SAMD12: variants seen among roughly 807,000 people sequenced by gnomAD.
SAMD12 encodes the protein sterile alpha motif domain containing 12.
A neutral mutation model predicts 15.0 loss-of-function variants in SAMD12; 9 were observed. The ratio of observed to expected loss-of-function variants is 0.60; its 90% CI spans 0.36 to 1.05. SAMD12 has a LOEUF of 1.05. Among genes scored for constraint, SAMD12 ranks in the 50% least tolerant of loss-of-function variants. SAMD12 has a pLI of 0.01. For missense variants in SAMD12, 230 were observed against 234.2 expected (o/e 0.98, Z 0.12); for synonymous variants, 86 against 90.1 (o/e 0.96, Z 0.25).
exon 5 of SAMD12, chr8:118,195,376 G>A (rs1819530419): frequency 6.6e-6 from 1 of 152,214 alleles, no homozygotes; most frequent in Admixed American, 6.5e-5. Flanking sequence ...TAGAATTGGA[G>A]TGTTAGATAA....
Position 118,294,666 on chromosome 8 carries a change from AT to A in SAMD12, c.433+84893del, listed in dbSNP as rs530533865. On this transcript the variant is annotated intron_variant, in intron 4 of 4. Coordinates refer to the SAMD12 transcript ENST00000409003. ...AGGATGAAAACATAAAAAGTAAAATATTTTTTAAAATTCTTGCAATATGCAG... is the reference window on the plus strand; with the variant it reads ...AGGATGAAAACATAAAAAGTAAAATATTTTTAAAATTCTTGCAATATGCAG... Among the ~76,000 whole-genome samples, 4 of 152,328 alleles carry A rather than the reference AT, an allele frequency of 2.6e-5. No homozygotes were observed. The South Asian group carries it at 8.3e-4, about 32-fold the overall frequency.
At position 118,379,436 on chromosome 8, in the gene SAMD12, T is replaced by G. The variant is rs145282991; in HGVS notation, c.587A>C (p.Glu196Ala). 8.1e-6 allele frequency: 13 copies of G among 1,613,448 alleles called. No homozygotes were observed. Among genetic ancestry groups the G allele is most frequent in the Non-Finnish European group, 1.0e-5 (12 of 1,179,734 alleles). The change falls in exon 4 of 4, where the codon GAA (glutamate) becomes GCA (alanine). Residue 196 changes from glutamate (E) to alanine (A), a missense_variant. Transcript: ENST00000314727. ...LLFLHRISIIENSIQI is the reference protein window; with the variant it reads ...LLFLHRISIIANSIQI ...GTAATCTTAAATCTGTATACTATTT[T>G]CTATGATGGAAATTCTGTGAAGAAA...
chr8:118,275,528 A>G (rs182100690), intron 4 of SAMD12, among the ~76,000 whole-genome samples: 9 of 152,352 alleles, frequency 5.9e-5, no homozygotes, highest in East Asian at 5.8e-4. Context: ...ACTCACTCAC[A>G]TGCAAAAATC....
intron 2 of SAMD12, among the ~76,000 whole-genome samples, chr8:118,570,994 C>T (rs1408386714): frequency 6.6e-6 from 1 of 152,208 alleles, no homozygotes; most frequent in Non-Finnish European, 1.5e-5. Context: ...GAGGCTTCCA[C>T]TTCCAGCCAC....
At chr8:118,528,677 T>A (rs1376728541) in intron 2 of SAMD12, among the ~76,000 whole-genome samples, 4 of 152,066 alleles carry the variant, frequency 2.6e-5, no homozygotes, top group African/African-American at 4.8e-5. Flanking sequence ...AGGACAGGAG[T>A]CTGTCTTCTC....
downstream of SAMD12, among the ~76,000 whole-genome samples, chr8:118,185,281 G>A (rs1029166292): frequency 1.3e-5 from 2 of 151,526 alleles, no homozygotes; most frequent in South Asian, 2.1e-4. Context: ...GGTGGTTTTC[G>A]ATTACATGAA....
At position 118,419,246 on chromosome 8, in the gene SAMD12, T is replaced by C. The variant is rs1359452345; in HGVS notation, c.322+20586A>G. Among the ~76,000 whole-genome samples the C allele has an allele frequency of 2.0e-5, 3 of 151,318 alleles. No homozygotes were observed. The East Asian group carries it at 5.8e-4, about 29-fold the overall frequency. ...GTGTCAGAGGAGCTGAGTACTGCCA[T>C]CTGCTGGCTATGGGGTCTGGGTCAA... On this transcript the variant is annotated intron_variant, in intron 3 of 3. Coordinates refer to ENST00000314727, the MANE Select transcript of SAMD12 (RefSeq NM_207506.3).
rs556665686 is a variant in SAMD12, at chr8:118,405,945, T to C, written c.323-26245A>G. The stretch of plus-strand genomic sequence containing the variant: ...TGCAAACAGATAACAAGAAAAATAT[T>C]GTTTACTTTTTTTTGGTTTTCTCTC... On this transcript the variant is annotated intron_variant, in intron 3 of 3. Coordinates refer to ENST00000314727, the MANE Select transcript of SAMD12 (RefSeq NM_207506.3). Among the ~76,000 whole-genome samples the C allele has an allele frequency of 7.9e-5, 12 of 152,262 alleles. No homozygotes were observed. The South Asian group carries it at 2.5e-3, about 32-fold the overall frequency.
chr8:118,503,039 G>A (rs1824829301), intron 2 of SAMD12, among the ~76,000 whole-genome samples: 1 of 152,220 alleles, frequency 6.6e-6, no homozygotes, highest in Non-Finnish European at 1.5e-5. Context: ...GTGTGAGGCA[G>A]AGATATTAGA....
chr8:118,394,362 T>C (rs1275505814), intron 3 of SAMD12, among the ~76,000 whole-genome samples: 1 of 152,228 alleles, frequency 6.6e-6, no homozygotes. Context: ...TCACTCACCT[T>C]GGAACCTACA....
At position 118,550,562 on chromosome 8, in the gene SAMD12, C is replaced by T. The variant is rs536681391; in HGVS notation, c.192+30153G>A. 3.7e-3 allele frequency among the ~76,000 whole-genome samples: 568 copies of T among 152,204 alleles called. 2 individuals are homozygous for T. Among genetic ancestry groups the T allele is most frequent in the African/African-American group, 8.2e-3 (339 of 41,514 alleles). ...ATGGAAAGGAACAACCGGTACCAGCCGCTGCAAAATCATGCCAAAATGTAA... is the reference window on the plus strand; with the variant it reads ...ATGGAAAGGAACAACCGGTACCAGCTGCTGCAAAATCATGCCAAAATGTAA... On this transcript the variant is annotated intron_variant, in intron 2 of 3. Transcript: ENST00000314727.
intron 3 of SAMD12, among the ~76,000 whole-genome samples, chr8:118,434,007 T>A (rs1822499629): frequency 6.6e-6 from 1 of 152,134 alleles, no homozygotes. Context: ...AATAAAAGAA[T>A]TGGAAGACAA....
At chr8:118,146,837 A>G in the SAMD12 span, among the ~76,000 whole-genome samples, 1 of 152,228 alleles carries the variant, frequency 6.6e-6, no homozygotes, top group South Asian at 2.1e-4. Flanking sequence ...AAGGATTTTT[A>G]AAATGAGCCC....
intron 2 of SAMD12, among the ~76,000 whole-genome samples, chr8:118,553,165 G>T (rs1826402171): frequency 6.6e-6 from 1 of 151,906 alleles, no homozygotes; most frequent in Non-Finnish European, 1.5e-5. Context: ...TTTCTTCACA[G>T]AATTGGAAAA....
chr8:118,467,293 G>A (rs1185947299), intron 2 of SAMD12, among the ~76,000 whole-genome samples: 3 of 152,120 alleles, frequency 2.0e-5, no homozygotes, highest in Non-Finnish European at 4.4e-5. Flanking sequence ...AATCTTCTTA[G>A]TATGCCTCTG....
chr8:118,424,806 T>A (rs776964552), intron 3 of SAMD12, among the ~76,000 whole-genome samples: 1 of 152,164 alleles, frequency 6.6e-6, no homozygotes, highest in African/African-American at 2.4e-5. Flanking sequence ...AATGACGCCA[T>A]CTAAAGGAAA....
chr8:118,336,944 A>G (rs1412782338), intron 4 of SAMD12, among the ~76,000 whole-genome samples: 1 of 152,204 alleles, frequency 6.6e-6, no homozygotes, highest in Non-Finnish European at 1.5e-5. Context: ...TCTCATTCAT[A>G]GGTAGGAATT....
chr8:118,510,192 A>G (rs988889648), intron 2 of SAMD12, among the ~76,000 whole-genome samples: 1 of 152,048 alleles, frequency 6.6e-6, no homozygotes, highest in African/African-American at 2.4e-5. Context: ...ATCTCTGAGA[A>G]GCTTGGTGAT....
chr8:118,601,206 T>C (rs528114949), intron 1 of SAMD12, among the ~76,000 whole-genome samples: 1 of 152,302 alleles, frequency 6.6e-6, no homozygotes, highest in East Asian at 1.9e-4. Context: ...ATTATAATTA[T>C]CTTAAAAGAT....
Sources: gnomAD v4.1 joint callset for allele counts (sites outside exome capture counted in the v4.1 genomes callset) on GRCh38, gnomAD v4.1.1 for gene constraint, MANE v1.5 for transcripts, NCBI Gene and HGNC (gene_info 2026-07-23, HGNC 2026-07-21) for gene names.